PTCHD1: variants seen among roughly 807,000 people sequenced by gnomAD.
PTCHD1 encodes the protein patched domain containing 1.
A neutral mutation model predicts 34.6 loss-of-function variants in PTCHD1; 3 were observed. The observed-to-expected ratio is 0.09, with a 90% confidence interval of 0.04 to 0.22. The LOEUF (loss-of-function observed/expected upper bound fraction) is 0.22. PTCHD1 is among the 10% of genes least tolerant of loss of function. The probability of loss-of-function intolerance (pLI) is 1.00; values close to 1 mark genes in which losing one functional copy is unlikely to be tolerated. For missense variants in PTCHD1, 504 were observed against 685.5 expected (o/e 0.74, Z 2.96); for synonymous variants, 305 against 283.1 (o/e 1.08, Z -0.77).
At chrX:23,359,383 C>T (rs1486317883) in intron 1 of PTCHD1, among the ~76,000 whole-genome samples, 2 of 111,576 alleles carry the variant, frequency 1.8e-5, no homozygotes, top group Admixed American at 1.9e-4. Context: ...AAGTTGGATT[C>T]CTAGGTGTTT....
At chrX:23,391,778 G>A (rs924549124) in intron 2 of PTCHD1, among the ~76,000 whole-genome samples, 2 of 111,839 alleles carry the variant, frequency 1.8e-5, no homozygotes, top group African/African-American at 6.5e-5. Context: ...TCTCTGGAGC[G>A]TTCCACCAAC....
Position 23,396,733 on chromosome X carries a change from C to CT in PTCHD1, c.*2550dup, listed in dbSNP as rs1922998824. The CT allele has an allele frequency of 8.9e-6, 1 of 112,367 alleles. No homozygotes were observed. Among genetic ancestry groups the CT allele is most frequent in the African/African-American group, 3.2e-5 (1 of 30,819 alleles). The allele number at this position is 112,367 out of a possible 1,213,427, so 9.3% of individuals were successfully genotyped here. A position where few individuals can be genotyped will look rare whatever the true frequency, so the allele number is the denominator to read the frequency against. ...TGAAGGGCATTTTCAAACTTGTCAA[C>CT]TTCTCTTTTCAGCACTTGAAATGAA... On this transcript the variant is annotated 3_prime_UTR_variant, in exon 3 of 3. Coordinates refer to ENST00000379361, the MANE Select transcript of PTCHD1 (RefSeq NM_173495.3).
chrX:23,370,074 C>A lies in PTCHD1; in HGVS notation c.352-9517C>A, dbSNP rs190613688. Among the ~76,000 whole-genome samples the A allele has an allele frequency of 5.0e-3, 560 of 112,502 alleles. 4 individuals are homozygous for A. Among genetic ancestry groups the A allele is most frequent in the African/African-American group, 0.017 (541 of 31,001 alleles). ...TGTTCATTTTGTCTTTGCTATCAGACATTTACTGGGTACCACCTGTGTTTC... is the reference window on the plus strand; with the variant it reads ...TGTTCATTTTGTCTTTGCTATCAGAAATTTACTGGGTACCACCTGTGTTTC... On this transcript the variant is annotated intron_variant, in intron 1 of 2. Coordinates refer to ENST00000379361, the MANE Select transcript of PTCHD1 (RefSeq NM_173495.3).
intron 1 of PTCHD1, among the ~76,000 whole-genome samples, chrX:23,350,032 G>A (rs1763831534): frequency 1.2e-5 from 1 of 81,839 alleles, no homozygotes; most frequent in Admixed American, 1.7e-4. Context: ...TCCAAAATGT[G>A]TTCTAGGAAA....
rs1196878395 is a variant in PTCHD1, at chrX:23,399,668, ATTCT to A, written c.*5487_*5490del. On this transcript the variant is annotated 3_prime_UTR_variant, in exon 3 of 3. Transcript: ENST00000379361. ...ACTTCTATTCATTTATTCTTCATTC[ATTCT>A]TTCATTCATTCATTTCTTTATTCTG... 1.2e-4 allele frequency: 13 copies of A among 111,943 alleles called. No individual in the cohort carries two copies. The highest frequency in any genetic ancestry group is 4.2e-4 in the African/African-American group (13 of 30,867). 9.2% of individuals were successfully genotyped at this position (111,943 alleles called of 1,213,427 possible). A position where few individuals can be genotyped will look rare whatever the true frequency, so the allele number is the denominator to read the frequency against.
chrX:23,377,221 C>T lies in PTCHD1; in HGVS notation c.352-2370C>T, dbSNP rs1922434152. Among the ~76,000 whole-genome samples, 3 of 112,272 alleles carry T rather than the reference C, an allele frequency of 2.7e-5. No homozygotes were observed. In the South Asian group the frequency reaches 1.1e-3, roughly 42 times the overall value. ...TTTAAGGGAGATTTATTACACTGCT[C>T]ATGGGAACAAACAATGCACTAAATA... On this transcript the variant is annotated intron_variant, in intron 1 of 2. Transcript: ENST00000379361.
intron 1 of PTCHD1, among the ~76,000 whole-genome samples, chrX:23,350,194 T>G (rs757005005): frequency 6.4e-5 from 7 of 110,184 alleles, no homozygotes; most frequent in African/African-American, 9.9e-5. Context: ...AAAAAGTTCC[T>G]CTGTAAAGAA....
At chrX:23,358,450 G>C (rs1022842012) in intron 1 of PTCHD1, among the ~76,000 whole-genome samples, 3 of 111,940 alleles carry the variant, frequency 2.7e-5, no homozygotes, top group Non-Finnish European at 5.7e-5. Context: ...GGCTTCTTTT[G>C]AGAGGTGTCT....
At chrX:23,392,112 A>G (rs1368307147) in intron 2 of PTCHD1, among the ~76,000 whole-genome samples, 2 of 68,135 alleles carry the variant, frequency 2.9e-5, no homozygotes, top group Admixed American at 4.2e-4. Context: ...GTCTCGCTAC[A>G]TTGCCCAGGC....
intron 1 of PTCHD1, among the ~76,000 whole-genome samples, chrX:23,362,339 G>T (rs1177916951): frequency 8.9e-6 from 1 of 111,970 alleles, no homozygotes; most frequent in East Asian, 2.8e-4. Flanking sequence ...TGAAGGCTTT[G>T]TTCGTTTCTT....
chrX:23,403,030 C>A lies in PTCHD1; in HGVS notation c.*8845C>A, dbSNP rs1923161118. On this transcript the variant is annotated 3_prime_UTR_variant, in exon 3 of 3. Coordinates refer to ENST00000379361, the MANE Select transcript of PTCHD1 (RefSeq NM_173495.3). ...CACCCTAGACATAAAATAGTTTAAACATTTAAACATGGCCCCTCTCTTATT... is the reference window on the plus strand; with the variant it reads ...CACCCTAGACATAAAATAGTTTAAAAATTTAAACATGGCCCCTCTCTTATT... The A allele has an allele frequency of 1.8e-5, 2 of 112,437 alleles. No individual in the cohort carries two copies. Among genetic ancestry groups the A allele is most frequent in the South Asian group, 7.4e-4 (2 of 2,720 alleles). The allele number at this position is 112,437 out of a possible 1,213,427, so 9.3% of individuals were successfully genotyped here.
intron 1 of PTCHD1, among the ~76,000 whole-genome samples, chrX:23,343,385 G>T (rs1351501927): frequency 8.9e-6 from 1 of 111,971 alleles, no homozygotes; most frequent in Non-Finnish European, 1.9e-5. Context: ...TTCCATGTGG[G>T]AGGGTGGATC....
At chrX:23,357,723 A>T (rs111860745) in intron 1 of PTCHD1, among the ~76,000 whole-genome samples, 6,096 of 111,302 alleles carry the variant, frequency 0.055, 184 homozygotes, top group Non-Finnish European at 0.081. Flanking sequence ...GGCTAGTTAC[A>T]TAGGTATACA....
At chrX:23,362,788 T>G (rs1255140906) in intron 1 of PTCHD1, among the ~76,000 whole-genome samples, 1 of 112,285 alleles carries the variant, frequency 8.9e-6, no homozygotes, top group Non-Finnish European at 1.9e-5. Context: ...GTCTTTGATG[T>G]TGGTGACCTA....
At chrX:23,355,727 G>A (rs949389407) in intron 1 of PTCHD1, among the ~76,000 whole-genome samples, 1 of 112,231 alleles carries the variant, frequency 8.9e-6, no homozygotes, top group African/African-American at 3.2e-5. Context: ...TCTGTAGGCC[G>A]GTTTAAATTG....
Position 23,379,892 on chromosome X carries a change from T to A in PTCHD1, c.653T>A (p.Ile218Asn). 1 of 1,211,659 alleles carries A rather than the reference T, an allele frequency of 8.3e-7. No homozygotes were observed. The highest frequency in any genetic ancestry group is 1.1e-6 in the Non-Finnish European group (1 of 895,408). Residue 218 changes from isoleucine (I) to asparagine (N), a missense_variant, in exon 2 of 3, where the codon ATC becomes AAC. By Grantham distance (149) the Ile-to-Asn change is moderately radical (BLOSUM62 -3). Transcript: ENST00000379361. ...AIQLTYYLQSINSLNDMVAER... is the reference protein window; with the variant it reads ...AIQLTYYLQSNNSLNDMVAER... ...CAGCTCACCTACTACCTGCAGTCAA[T>A]CAACAGTCTCAATGACATGGTGGCT...
At chrX:23,360,364 G>A (rs1407263945) in intron 1 of PTCHD1, among the ~76,000 whole-genome samples, 1 of 111,425 alleles carries the variant, frequency 9.0e-6, no homozygotes, top group Non-Finnish European at 1.9e-5. Context: ...ACTTCTTCCT[G>A]GTTTAGTCTT....
chrX:23,376,287 T>G (rs1414016366), intron 1 of PTCHD1, among the ~76,000 whole-genome samples: 1 of 112,271 alleles, frequency 8.9e-6, no homozygotes, highest in Non-Finnish European at 1.9e-5. Flanking sequence ...TCAGGACAAT[T>G]AGTTTGTGTC....
In PTCHD1 at chrX:23,386,374, A is replaced by G. The variant is rs1227183103; in HGVS notation, c.1012+6123A>G. 2.7e-5 allele frequency among the ~76,000 whole-genome samples: 3 copies of G among 112,222 alleles called. No homozygotes were observed. In the East Asian group the frequency reaches 8.3e-4, roughly 31 times the overall value. On this transcript the variant is annotated intron_variant, in intron 2 of 2. Coordinates refer to ENST00000379361, the MANE Select transcript of PTCHD1 (RefSeq NM_173495.3). ...AATGTGACAAGTCTCTAGTACAAAGAATAAGATGTGTGTGTTCCCCCTGAT... is the reference window on the plus strand; with the variant it reads ...AATGTGACAAGTCTCTAGTACAAAGGATAAGATGTGTGTGTTCCCCCTGAT...
Sources: allele counts gnomAD v4.1 joint callset (sites outside exome capture counted in the v4.1 genomes callset), GRCh38; gene constraint gnomAD v4.1.1; transcripts MANE v1.5; gene names NCBI Gene and HGNC (gene_info 2026-07-23, HGNC 2026-07-21).